Variants in MARK3 observed in about 807,000 individuals in gnomAD.
MARK3 encodes the protein MAP/microtubule affinity-regulating kinase 3.
In MARK3, 46 loss-of-function variants were observed where a neutral mutation model predicts 90.1. The ratio of observed to expected loss-of-function variants is 0.51; its 90% confidence interval spans 0.40 to 0.65. The LOEUF is 0.65. MARK3 is among the 30% of genes least tolerant of loss of function. The pLI is 0.00. For synonymous variants in MARK3, 321 were observed against 332.6 expected (o/e 0.97, Z 0.38); for missense variants, 818 against 947.2 (o/e 0.86, Z 1.79).
At chr14:103,423,417 A>G (rs543992761) in intron 2 of MARK3, among the ~76,000 whole-genome samples, 32 of 152,090 alleles carry the variant, frequency 2.1e-4, no homozygotes, top group Non-Finnish European at 2.8e-4. Flanking sequence ...TGCTGCTGGC[A>G]TCAGAGTGAA....
intron 15 of MARK3, among the ~76,000 whole-genome samples, chr14:103,493,126 A>G (rs544241396): frequency 1.3e-5 from 2 of 152,100 alleles, no homozygotes; most frequent in Non-Finnish European, 2.9e-5. Context: ...CTCCATCTCC[A>G]TTATTTAAAC....
chr14:103,465,618 A>G lies in MARK3; in HGVS notation c.602A>G (p.Asn201Ser), dbSNP rs1247093515. The G allele has an allele frequency of 1.9e-6, 3 of 1,614,092 alleles. No individual in the cohort carries two copies. The highest frequency in any genetic ancestry group is 1.3e-5 in the African/African-American group (1 of 74,934). Residue 201 changes from asparagine to serine, a missense_variant, in exon 8 of 18, where the codon AAT becomes AGT. Physicochemically the swap from Asn to Ser is conservative, Grantham distance 46. Coordinates refer to ENST00000429436, the MANE Select transcript of MARK3 (RefSeq NM_001128918.3). Reference protein sequence around the residue: ...NIKIADFGFSNEFTVGGKLDT... With the variant: ...NIKIADFGFSSEFTVGGKLDT... ...AAAATAGCAGATTTCGGTTTTAGCAATGAATTTACTGTTGGCGGTAAACTC... is the reference window on the plus strand; with the variant it reads ...AAAATAGCAGATTTCGGTTTTAGCAGTGAATTTACTGTTGGCGGTAAACTC...
intron 6 of MARK3, among the ~76,000 whole-genome samples, chr14:103,459,798 G>A (rs1287448251): frequency 6.6e-6 from 1 of 151,916 alleles, no homozygotes; most frequent in East Asian, 1.9e-4. Flanking sequence ...ACAGATGTGA[G>A]CCATCGTAAT....
chr14:103,436,920 G>A (rs778600303), intron 3 of MARK3, among the ~76,000 whole-genome samples: 6 of 152,196 alleles, frequency 3.9e-5, no homozygotes, highest in South Asian at 2.1e-4. Flanking sequence ...GTGAAACCCC[G>A]TCTCTACTAA....
rs10525116 is a variant in MARK3 at position 103,467,674 on chromosome 14, C to CAAAA, written c.1111-339_1111-336dup. The stretch of plus-strand genomic sequence containing the variant: ...TGGGTGACAGAGCGAGACTCTGTCT[C>CAAAA]AAAAAAAAAAAAAAAAAAAAAAAGA... On this transcript the variant is annotated intron_variant, in intron 11 of 17. Coordinates refer to ENST00000429436, the MANE Select transcript of MARK3 (RefSeq NM_001128918.3). 2.2e-3 allele frequency: 99 copies of CAAAA among 44,880 alleles called. 10 individuals are homozygous for CAAAA. The highest frequency in any genetic ancestry group is 5.1e-3 in the African/African-American group (49 of 9,690). 2.8% of individuals were successfully genotyped at this position (44,880 alleles called of 1,614,324 possible). A position where few individuals can be genotyped will look rare whatever the true frequency, so the allele number is the denominator to read the frequency against.
At chr14:103,474,156 G>A (rs571049340) in intron 12 of MARK3, among the ~76,000 whole-genome samples, 2 of 152,146 alleles carry the variant, frequency 1.3e-5, no homozygotes, top group African/African-American at 2.4e-5. Flanking sequence ...AGTGAGCCGC[G>A]ATTGCGCCAC....
At chr14:103,450,874 A>AGTGTGTG (rs1375943228) in intron 4 of MARK3, among the ~76,000 whole-genome samples, 2 of 94,406 alleles carry the variant, frequency 2.1e-5, no homozygotes, top group African/African-American at 8.0e-5. Context: ...TTCATTTTTA[A>AGTGTGTG]AGTGTGTGTG....
intron 14 of MARK3, among the ~76,000 whole-genome samples, chr14:103,481,640 CGTGTG>C (rs1454532417): frequency 1.3e-5 from 2 of 150,330 alleles, no homozygotes; most frequent in African/African-American, 2.5e-5. Context: ...TTTTATGACT[CGTGTG>C]TGTGTGTGTG....
chr14:103,429,610 T>C (rs891551269), intron 3 of MARK3, among the ~76,000 whole-genome samples: 4 of 152,228 alleles, frequency 2.6e-5, no homozygotes, highest in Admixed American at 6.5e-5. Context: ...CTTTGTGATC[T>C]GCAACCCATA....
At chr14:103,471,417 T>A (rs2093623038) in intron 12 of MARK3, among the ~76,000 whole-genome samples, 1 of 152,202 alleles carries the variant, frequency 6.6e-6, no homozygotes, top group Admixed American at 6.5e-5. Context: ...CAAGGTTACA[T>A]AGTAAATGAG....
chr14:103,425,771 G>A (rs1374452912), intron 2 of MARK3, among the ~76,000 whole-genome samples: 4 of 151,990 alleles, frequency 2.6e-5, no homozygotes, highest in African/African-American at 7.3e-5. Context: ...GCACACACTC[G>A]TTTTCCCTCC....
chr14:103,472,392 C>G (rs1332866749), intron 12 of MARK3, among the ~76,000 whole-genome samples: 1 of 151,740 alleles, frequency 6.6e-6, no homozygotes, highest in Non-Finnish European at 1.5e-5. Context: ...TCGCATAATC[C>G]CAGCACTTTG....
chr14:103,489,210 C>T (rs2093978795), intron 14 of MARK3, among the ~76,000 whole-genome samples: 1 of 152,198 alleles, frequency 6.6e-6, no homozygotes, highest in South Asian at 2.1e-4. Context: ...AGATCCCAGC[C>T]CTCCATACCA....
In MARK3 at chr14:103,397,821, T is replaced by G. The variant is rs754512166; in HGVS notation, c.52-7255T>G. ...CCCCCTTCCTATTCATATTCTTAGA[T>G]GCTTTCTCATAAATTCAGCTGTGAA... On this transcript the variant is annotated intron_variant, in intron 1 of 17. Coordinates refer to ENST00000429436, the MANE Select transcript of MARK3 (RefSeq NM_001128918.3). Among the ~76,000 whole-genome samples the G allele has an allele frequency of 2.6e-5, 4 of 152,348 alleles. No individual in the cohort carries two copies. The South Asian group carries it at 6.2e-4, about 24-fold the overall frequency.
At chr14:103,478,857 T>G (rs918556522) in intron 13 of MARK3, among the ~76,000 whole-genome samples, 1 of 152,146 alleles carries the variant, frequency 6.6e-6, no homozygotes, top group Non-Finnish European at 1.5e-5. Context: ...GTATTAGTAC[T>G]TTGTTTCTTT....
At chr14:103,477,415 C>T (rs1483058206) in intron 13 of MARK3, among the ~76,000 whole-genome samples, 5 of 151,900 alleles carry the variant, frequency 3.3e-5, no homozygotes, top group Non-Finnish European at 1.5e-5. Flanking sequence ...TTGCTTTAAC[C>T]GAGAAGATGG....
chr14:103,394,529 G>A (rs2090460402), intron 1 of MARK3, among the ~76,000 whole-genome samples: 1 of 152,174 alleles, frequency 6.6e-6, no homozygotes, highest in African/African-American at 2.4e-5. Context: ...GGTTGGTCTT[G>A]TGTACTTCTG....
chr14:103,399,708 AAAAAG>A (rs1480220709), intron 1 of MARK3, among the ~76,000 whole-genome samples: 1 of 129,094 alleles, frequency 7.7e-6, no homozygotes, highest in African/African-American at 2.6e-5. Context: ...TCAAAAAAAA[AAAAAG>A]AAAAAAAAAA....
chr14:103,387,350 G>A (rs1466827529), intron 1 of MARK3, among the ~76,000 whole-genome samples: 1 of 152,174 alleles, frequency 6.6e-6, no homozygotes, highest in South Asian at 2.1e-4. Flanking sequence ...AAGTAGAACA[G>A]TGATGTACCT....
Sources: gnomAD v4.1 joint callset for allele counts (sites outside exome capture counted in the v4.1 genomes callset) on GRCh38, gnomAD v4.1.1 for gene constraint, MANE v1.5 for transcripts, NCBI Gene and HGNC (gene_info 2026-07-23, HGNC 2026-07-21) for gene names.